The following SOX6 variants were observed in gnomAD, a reference collection of about 807,000 sequenced individuals.
The protein encoded by SOX6 is transcription factor SOX-6.
In SOX6, 11 loss-of-function variants were observed where a neutral mutation model predicts 97.8. The ratio of observed to expected loss-of-function variants is 0.11; its 90% CI spans 0.07 to 0.19. SOX6 has a LOEUF of 0.19. Ranked by LOEUF, SOX6 falls within the 10% of genes least tolerant of loss-of-function variation. The pLI, the probability that SOX6 is intolerant of heterozygous loss-of-function variation, is 1.00. For synonymous variants in SOX6, 360 were observed against 371.4 expected (o/e 0.97, Z 0.35); for missense variants, 810 against 1,039.5 (o/e 0.78, Z 3.04).
intron 3 of SOX6, among the ~76,000 whole-genome samples, chr11:16,701,244 T>C (rs1028691303): frequency 1.3e-5 from 2 of 152,202 alleles, no homozygotes; most frequent in African/African-American, 4.8e-5. Context: ...GATTTAGTTC[T>C]TTGCTTTGCC....
At chr11:16,436,160 T>A (rs72871384) in intron 1 of SOX6, among the ~76,000 whole-genome samples, 2 of 152,346 alleles carry the variant, frequency 1.3e-5, no homozygotes, top group African/African-American at 2.4e-5. Context: ...TTTACCTATG[T>A]AACAAACCAT....
intron 3 of SOX6, among the ~76,000 whole-genome samples, chr11:16,297,284 C>T (rs1410245991): frequency 6.6e-6 from 1 of 151,982 alleles, no homozygotes; most frequent in Non-Finnish European, 1.5e-5. Flanking sequence ...GTTTCTTCTG[C>T]CCCACAAAAA....
rs191682371 is a variant in SOX6, at chr11:16,495,826, C to T, written n.610-19438G>A. Among the ~76,000 whole-genome samples the T allele has an allele frequency of 2.2e-4, 33 of 152,198 alleles. 1 individual carries two copies. In the East Asian group the frequency reaches 5.8e-3, roughly 27 times the overall value. ...AGTGCCAATGTATGACACTCTAGGGCCCAAGAACAGGCATGCTTAGCCTGC... is the reference window on the plus strand; with the variant it reads ...AGTGCCAATGTATGACACTCTAGGGTCCAAGAACAGGCATGCTTAGCCTGC... On this transcript the variant is annotated intron_variant and non_coding_transcript_variant, in intron 4 of 5. Coordinates refer to the SOX6 transcript ENST00000524520.
At chr11:16,465,758 T>C (rs778905169) in intron 1 of SOX6, 6 of 152,182 alleles carry the variant, frequency 3.9e-5, no homozygotes, top group Non-Finnish European at 8.8e-5. Flanking sequence ...GAAATAAAAA[T>C]AGAAAATCTG....
chr11:16,459,877 T>C (rs1238311923), intron 1 of SOX6, among the ~76,000 whole-genome samples: 3 of 151,906 alleles, frequency 2.0e-5, no homozygotes, highest in Non-Finnish European at 4.4e-5. Flanking sequence ...ATGTATAATA[T>C]GGAGGGGCAC....
Position 16,015,005 on chromosome 11 carries a change from A to T in SOX6, c.1669T>A (p.Ser557Thr), listed in dbSNP as rs776776383. 7 of 1,612,778 alleles carry T rather than the reference A, an allele frequency of 4.3e-6. 1 individual carries two copies. The Admixed American group carries it at 1.2e-4, about 27-fold the overall frequency. Reference sequence around the variant, plus strand: ...GGGCCCAGTTTTCCATCTTCATTTGACTTTCCCGTTAACTGGGGCCCCAAA... The same window carrying T: ...GGGCCCAGTTTTCCATCTTCATTTGTCTTTCCCGTTAACTGGGGCCCCAAA... ...ENLGPQLTGK[S>T]NEDGKLGPGV... Residue 557 changes from serine to threonine, a missense_variant, in exon 13 of 16, where the codon TCA (serine) becomes ACA (threonine). Ser to Thr is a moderately conservative substitution (Grantham distance 58, BLOSUM62 1). Transcript: ENST00000683767.
intron 1 of SOX6, among the ~76,000 whole-genome samples, chr11:16,368,600 A>T (rs1447625865): frequency 6.6e-6 from 1 of 152,324 alleles, no homozygotes; most frequent in African/African-American, 2.4e-5. Flanking sequence ...GCTTATTTTT[A>T]AAATTAATTG....
intron 4 of SOX6, among the ~76,000 whole-genome samples, chr11:16,588,634 T>C (rs1174208121): frequency 6.6e-6 from 1 of 152,158 alleles, no homozygotes; most frequent in African/African-American, 2.4e-5. Context: ...TACACTTAAC[T>C]ATGGAACTTT....
At position 16,596,878 on chromosome 11, in the gene SOX6, G is replaced by T. The variant is rs180829936; in HGVS notation, n.609+15203C>A. 4.7e-3 allele frequency among the ~76,000 whole-genome samples: 715 copies of T among 152,168 alleles called. 2 individuals carry two copies. Among genetic ancestry groups the T allele is most frequent in the Non-Finnish European group, 7.5e-3 (508 of 67,988 alleles). On this transcript the variant is annotated intron_variant and non_coding_transcript_variant, in intron 4 of 5. Coordinates refer to the SOX6 transcript ENST00000524520. ...ATGTTTAATGCTTCTGATCAGCATG[G>T]TATTATTCTTTTACATTGGTGTACG...
intron 3 of SOX6, among the ~76,000 whole-genome samples, chr11:16,661,929 TC>T: frequency 6.6e-6 from 1 of 152,322 alleles, no homozygotes; most frequent in Admixed American, 6.5e-5. Context: ...AGCAGATTAT[TC>T]CCAATTTCTC....
chr11:15,989,133 G>A lies in SOX6; in HGVS notation c.1830C>T (p.Asp610=), dbSNP rs201384039. The A allele has an allele frequency of 3.1e-5, 50 of 1,614,138 alleles. No homozygotes were observed. In the East Asian group the frequency reaches 3.6e-4, roughly 12 times the overall value. Residue 610 remains aspartate (D), a synonymous_variant, in exon 14 of 16, where the codon GAC becomes GAT. Coordinates refer to ENST00000683767, the MANE Select transcript of SOX6 (RefSeq NM_001367873.1). ...GCTCGCTGCTGGCACGGCCGCGGGC[G>A]TCCCTGTAGACTCGTGCTTCAGCCA... ...ATVAEARVYR[D]ARGRASSEPH... is the part of the protein sequence containing the mutation.
chr11:16,014,537 A>G (rs972051589), intron 13 of SOX6, among the ~76,000 whole-genome samples: 2 of 152,102 alleles, frequency 1.3e-5, no homozygotes, highest in Non-Finnish European at 2.9e-5. Context: ...CCCCACAAAT[A>G]TATACAATTA....
chr11:16,590,461 T>G (rs1848137398), intron 4 of SOX6, among the ~76,000 whole-genome samples: 1 of 152,158 alleles, frequency 6.6e-6, no homozygotes, highest in African/African-American at 2.4e-5. Flanking sequence ...TACCATGGAC[T>G]TCACTAACTA....
intron 2 of SOX6, among the ~76,000 whole-genome samples, chr11:16,338,987 C>T (rs1211577621): frequency 6.6e-6 from 1 of 151,994 alleles, no homozygotes; most frequent in Non-Finnish European, 1.5e-5. Context: ...ATTTCTTCTT[C>T]TACCCATATT....
chr11:16,007,549 G>A (rs563649664), intron 13 of SOX6, among the ~76,000 whole-genome samples: 7 of 152,110 alleles, frequency 4.6e-5, no homozygotes, highest in South Asian at 2.1e-4. Context: ...AAAAGGAAAC[G>A]GCCAATTGAT....
intron 3 of SOX6, among the ~76,000 whole-genome samples, chr11:16,638,675 A>C (rs111937353): frequency 1.1e-4 from 17 of 152,264 alleles, no homozygotes; most frequent in African/African-American, 2.2e-4. Context: ...GCCAGTGATG[A>C]TGAGCATTTT....
intron 2 of SOX6, among the ~76,000 whole-genome samples, chr11:16,332,062 C>T (rs757869218): frequency 2.0e-5 from 3 of 152,062 alleles, no homozygotes; most frequent in Non-Finnish European, 4.4e-5. Context: ...CTGTTAATTT[C>T]AGAAAGCAAA....
At chr11:16,609,017 C>T (rs2133981501) in intron 4 of SOX6, among the ~76,000 whole-genome samples, 1 of 152,070 alleles carries the variant, frequency 6.6e-6, no homozygotes, top group East Asian at 1.9e-4. Context: ...ATAAAGATTC[C>T]CTTTGAGTCA....
At chr11:16,618,849 T>C (rs1455640304) in intron 3 of SOX6, among the ~76,000 whole-genome samples, 1 of 152,056 alleles carries the variant, frequency 6.6e-6, no homozygotes, top group Non-Finnish European at 1.5e-5. Flanking sequence ...TTTACAAAGA[T>C]AATAATAACA....
Sources: gnomAD v4.1 joint callset for allele counts (sites outside exome capture counted in the v4.1 genomes callset) on GRCh38, gnomAD v4.1.1 for gene constraint, MANE v1.5 for transcripts, NCBI Gene and HGNC (gene_info 2026-07-23, HGNC 2026-07-21) for gene names.